Variants in FBRSL1 observed in about 807,000 individuals in gnomAD.
FBRSL1 encodes fibrosin like 1.
FBRSL1 carries 51 observed loss-of-function variants against 89.6 expected under a neutral mutation model. The ratio of observed to expected loss-of-function variants is 0.57; its 90% CI spans 0.45 to 0.72. The LOEUF (loss-of-function observed/expected upper bound fraction) is 0.72, where lower values mean the gene tolerates loss of function less well. Among genes scored for constraint, FBRSL1 ranks in the 30% least tolerant of loss-of-function variants. The pLI is 0.00. For missense variants in FBRSL1, 1,618 were observed against 1,451.8 expected, an observed-to-expected ratio of 1.11 and a Z score of -1.86; for synonymous variants, 779 against 681.1, an observed-to-expected ratio of 1.14 and a Z score of -2.24.
At position 132,583,398 on chromosome 12, in the gene FBRSL1, CT is replaced by C; in HGVS notation, c.2630del (p.Leu877ProfsTer84). 1 of 1,082,342 alleles carries C rather than the reference CT, an allele frequency of 9.2e-7. No homozygotes were observed. Among genetic ancestry groups the C allele is most frequent in the Non-Finnish European group, 1.1e-6 (1 of 892,030 alleles). The allele number at this position is 1,082,342 out of a possible 1,614,324, so 67.0% of individuals were successfully genotyped here. Reference protein sequence around the residue: ...AAAPAPGSAALLEPPERPYRD... With the variant: ...AAAPAPGSAAXLEPPERPYRD... ...CGCCCCCGCCCCGGGCTCCGCCGCC[CT>C]CTTGGAGCCCCCGGAGCGCCCCTAC... On this transcript the variant is annotated frameshift_variant, in exon 19 of 19. Transcript: ENST00000680143. LOFTEE classifies it high-confidence loss of function.
chr12:132,531,847 C>T (rs1477686038), intron 4 of FBRSL1, among the ~76,000 whole-genome samples: 1 of 152,212 alleles, frequency 6.6e-6, no homozygotes, highest in Non-Finnish European at 1.5e-5. Flanking sequence ...TATGAACCAT[C>T]CTTAGAGTGG....
chr12:132,551,697 T>C, intron 5 of FBRSL1: 1 of 407,594 alleles, frequency 2.5e-6, no homozygotes, highest in Non-Finnish European at 5.1e-6. Context: ...CTCCACCACC[T>C]CCCTCACACT....
chr12:132,561,151 C>T (rs1340188057), intron 5 of FBRSL1, among the ~76,000 whole-genome samples: 2 of 152,204 alleles, frequency 1.3e-5, no homozygotes, highest in African/African-American at 4.8e-5. Flanking sequence ...GAGGTGGAGG[C>T]CACCTGCCTC....
At position 132,582,924 on chromosome 12, in the gene FBRSL1, G is replaced by A. The variant is rs1045914295; in HGVS notation, c.2202-47G>A. 15 of 1,333,578 alleles carry A rather than the reference G, an allele frequency of 1.1e-5. No homozygotes were observed. The Admixed American group carries it at 3.1e-4, about 28-fold the overall frequency. The allele number at this position is 1,333,578 out of a possible 1,614,324, so 82.6% of individuals were successfully genotyped here. On this transcript the variant is annotated intron_variant, in intron 18 of 18. Coordinates refer to ENST00000680143, the MANE Select transcript of FBRSL1 (RefSeq NM_001367871.1). ...GAACATCCCGGGGCTGCGCCGCGCG[G>A]CAGGACGGAGGTCTCGGGAGTGACG...
At chr12:132,525,457 C>G (rs2035712678) in intron 2 of FBRSL1, among the ~76,000 whole-genome samples, 1 of 152,144 alleles carries the variant, frequency 6.6e-6, no homozygotes, top group Non-Finnish European at 1.5e-5. Flanking sequence ...CTGGGTAGGT[C>G]CTCCCCGTCC....
intron 5 of FBRSL1, among the ~76,000 whole-genome samples, chr12:132,560,921 C>T (rs2039071413): frequency 1.3e-5 from 2 of 152,136 alleles, no homozygotes; most frequent in Admixed American, 6.5e-5. Context: ...GGGCTGCCAC[C>T]CCATTTGGGT....
rs1386691987 is a variant in FBRSL1 at position 132,581,809 on chromosome 12, G to A, written c.1981G>A (p.Gly661Ser). ...GAGCAGCCACGCCTTTGGGGGCCTG[G>A]GCAGCCATGCACTGGGTGAGTGACC... ...SLSSHAFGGL[G>S]SHALAPGGSI... is the part of the protein sequence containing the mutation. The change falls in exon 17 of 19, where the codon GGC becomes AGC. Residue 661 changes from glycine (G) to serine (S), a missense_variant. Gly to Ser is a moderately conservative substitution (Grantham distance 56, BLOSUM62 0). Transcript: ENST00000680143. 3.2e-6 allele frequency: 5 copies of A among 1,548,092 alleles called. No homozygotes were observed. The highest frequency in any genetic ancestry group is 4.4e-6 in the Non-Finnish European group (5 of 1,145,754).
chr12:132,535,801 G>T (rs987996157), intron 4 of FBRSL1, among the ~76,000 whole-genome samples: 3 of 136,948 alleles, frequency 2.2e-5, no homozygotes, highest in African/African-American at 8.4e-5. Flanking sequence ...TGGTGTGCGT[G>T]AGTGCACGTG....
chr12:132,504,583 C>G (rs923058298), intron 1 of FBRSL1, among the ~76,000 whole-genome samples: 3 of 152,096 alleles, frequency 2.0e-5, no homozygotes, highest in Non-Finnish European at 4.4e-5. Context: ...GCCACGGGTG[C>G]TGACCCAGGT....
chr12:132,568,768 G>A (rs902014227), intron 6 of FBRSL1, among the ~76,000 whole-genome samples: 2 of 152,142 alleles, frequency 1.3e-5, no homozygotes, highest in African/African-American at 2.4e-5. Flanking sequence ...AGTGCCCGTG[G>A]GCTCCCTCTC....
chr12:132,556,113 C>T (rs1175323392), intron 5 of FBRSL1, among the ~76,000 whole-genome samples: 3 of 152,168 alleles, frequency 2.0e-5, no homozygotes, highest in African/African-American at 4.8e-5. Flanking sequence ...ATTTCCAGGC[C>T]GGCAGCCTCC....
chr12:132,521,735 G>A (rs970907486), intron 2 of FBRSL1, among the ~76,000 whole-genome samples: 2 of 152,180 alleles, frequency 1.3e-5, no homozygotes, highest in African/African-American at 4.8e-5. Context: ...GCACTGCACC[G>A]CTCCAGGGCT....
chr12:132,532,976 T>C (rs1445830144), intron 4 of FBRSL1, among the ~76,000 whole-genome samples: 1 of 152,196 alleles, frequency 6.6e-6, no homozygotes, highest in Non-Finnish European at 1.5e-5. Context: ...ACAAGGCAGG[T>C]TTGTGACACT....
Position 132,526,329 on chromosome 12 carries a change from T to C in FBRSL1, c.579+506T>C, listed in dbSNP as rs138726405. Among the ~76,000 whole-genome samples the C allele has an allele frequency of 3.8e-3, 581 of 152,312 alleles. 8 individuals are homozygous for C. The highest frequency in any genetic ancestry group is 0.013 in the African/African-American group (521 of 41,570). ...GAAGGCCTCACTGCCCGGCTCCCCA[T>C]CTTGTTGCCACAAGTTAGGAAAATA... is the stretch of plus-strand genomic sequence containing the variant. On this transcript the variant is annotated intron_variant, in intron 3 of 18. Transcript: ENST00000680143.
At chr12:132,510,199 A>G (rs2034174062) in intron 2 of FBRSL1, 5 of 1,231,600 alleles carry the variant, frequency 4.1e-6, no homozygotes, top group Non-Finnish European at 5.1e-6. Context: ...AAGCCCTGCA[A>G]ACCCCAGCCG....
chr12:132,532,734 G>T (rs796713351), intron 4 of FBRSL1, among the ~76,000 whole-genome samples: 2 of 150,488 alleles, frequency 1.3e-5, no homozygotes, highest in African/African-American at 2.4e-5. Context: ...TGGGAGGGGG[G>T]GCCAGGCCAG....
intron 2 of FBRSL1, among the ~76,000 whole-genome samples, chr12:132,520,436 G>A (rs898279193): frequency 6.6e-6 from 1 of 152,148 alleles, no homozygotes; most frequent in Non-Finnish European, 1.5e-5. Context: ...TCCCCATCAG[G>A]CTCACCTTAG....
intron 15 of FBRSL1, chr12:132,581,206 C>A (rs747159080): frequency 1.1e-4 from 107 of 985,286 alleles, no homozygotes; most frequent in Non-Finnish European, 1.3e-4. Context: ...CTCCCTGCCC[C>A]CCTTGGGGTC....
At chr12:132,577,470 A>G (rs1262992950) in intron 15 of FBRSL1, among the ~76,000 whole-genome samples, 3 of 152,094 alleles carry the variant, frequency 2.0e-5, no homozygotes, top group African/African-American at 7.2e-5. Context: ...CCTCACATGC[A>G]TGGTTGCTCC....
Sources: allele counts gnomAD v4.1 joint callset (sites outside exome capture counted in the v4.1 genomes callset), GRCh38; gene constraint gnomAD v4.1.1; transcripts MANE v1.5; gene names NCBI Gene and HGNC (gene_info 2026-07-23, HGNC 2026-07-21).